The following CSMD1 variants were observed in gnomAD, a reference collection of about 807,000 sequenced individuals.
The protein encoded by CSMD1 is CUB and Sushi multiple domains 1, also known as CUB and sushi domain-containing protein 1.
Under a neutral mutation model 417.5 loss-of-function variants are expected in CSMD1, and 213 were observed. The observed-to-expected ratio is 0.51, with a 90% confidence interval of 0.46 to 0.57. The LOEUF is 0.57. Ranked by LOEUF, CSMD1 falls within the 20% of genes least tolerant of loss-of-function variation. CSMD1 has a pLI of 0.00. For missense variants in CSMD1, 6,923 were observed against 4,529.7 expected (o/e 1.53, Z -15.17); for synonymous variants, 2,862 against 1,736.8 (o/e 1.65, Z -16.11).
At chr8:4,647,423 G>A (rs2617040) in intron 1 of CSMD1, among the ~76,000 whole-genome samples, 5 of 111,558 alleles carry the variant, frequency 4.5e-5, no homozygotes, top group East Asian at 8.1e-4. Context: ...CGTGTGCCAC[G>A]GCGGCCTGCT....
intron 12 of CSMD1, among the ~76,000 whole-genome samples, chr8:3,457,661 C>T (rs1444426402): frequency 1.3e-5 from 2 of 152,094 alleles, no homozygotes; most frequent in Admixed American, 6.5e-5. Context: ...TCTAAGACAA[C>T]ACAATTCAGA....
chr8:4,172,430 T>C (rs903049615), intron 3 of CSMD1, among the ~76,000 whole-genome samples: 23 of 152,112 alleles, frequency 1.5e-4, no homozygotes, highest in South Asian at 1.0e-3. Flanking sequence ...TTACACAGCA[T>C]AGTCTAGGTT....
intron 52 of CSMD1, among the ~76,000 whole-genome samples, chr8:3,015,283 A>C (rs763228602): frequency 4.6e-5 from 7 of 152,098 alleles, no homozygotes; most frequent in Non-Finnish European, 8.8e-5. Context: ...ATTCTCTTCA[A>C]CATGTCCTGG....
chr8:3,203,960 G>T (rs528529536), intron 31 of CSMD1, among the ~76,000 whole-genome samples: 182 of 152,246 alleles, frequency 1.2e-3, no homozygotes, highest in African/African-American at 4.2e-3. Flanking sequence ...AGCCTGCCAG[G>T]GACATGGACC....
In CSMD1 at chr8:4,456,081, AAT is replaced by A. The variant is rs1269219857; in HGVS notation, c.303-36018_303-36017del. Among the ~76,000 whole-genome samples the A allele has an allele frequency of 2.8e-3, 356 of 128,356 alleles. 1 individual carries two copies. Among genetic ancestry groups the A allele is most frequent in the African/African-American group, 9.7e-3 (326 of 33,764 alleles). The allele number at this position is 128,356 out of a possible 152,430, so 84.2% of individuals were successfully genotyped here. A position where few individuals can be genotyped will look rare whatever the true frequency, so the allele number is the denominator to read the frequency against. ...GACCAAAAAAAAAAAAAAAAAAAAA[AAT>A]GTGAAAGTACGTACTGCACACTTAA... On this transcript the variant is annotated intron_variant, in intron 2 of 69. Transcript: ENST00000635120.
At chr8:3,999,892 T>G (rs192423594) in intron 4 of CSMD1, among the ~76,000 whole-genome samples, 1 of 152,182 alleles carries the variant, frequency 6.6e-6, no homozygotes. Flanking sequence ...CCATGTTTTG[T>G]AGGACATCTC....
At chr8:4,110,670 T>C (rs1479186493) in intron 3 of CSMD1, among the ~76,000 whole-genome samples, 1 of 151,946 alleles carries the variant, frequency 6.6e-6, no homozygotes, top group African/African-American at 2.4e-5. Flanking sequence ...TTCTATAAAG[T>C]TACCTAAGAA....
chr8:4,990,246 T>A (rs1811391313), intron 1 of CSMD1, among the ~76,000 whole-genome samples: 1 of 152,248 alleles, frequency 6.6e-6, no homozygotes, highest in Admixed American at 6.5e-5. Flanking sequence ...CTGAAAAGCT[T>A]TCCGCTGAAC....
chr8:4,173,761 T>G (rs78224847), intron 3 of CSMD1, among the ~76,000 whole-genome samples: 2,204 of 152,160 alleles, frequency 0.014, 54 homozygotes, highest in African/African-American at 0.049. Flanking sequence ...TTTTCAATAT[T>G]AAAAGTAACT....
intron 1 of CSMD1, among the ~76,000 whole-genome samples, chr8:4,782,467 T>G (rs190366960): frequency 6.6e-6 from 1 of 152,302 alleles, no homozygotes; most frequent in Non-Finnish European, 1.5e-5. Flanking sequence ...ACACTTTAGA[T>G]TTAAAGAAAT....
intron 2 of CSMD1, among the ~76,000 whole-genome samples, chr8:4,516,715 G>A (rs976068642): frequency 8.5e-5 from 13 of 152,054 alleles, no homozygotes; most frequent in Non-Finnish European, 1.8e-4. Flanking sequence ...CACTGCCTGG[G>A]GTCTTTGCAA....
At chr8:3,702,114 G>C (rs1019547379) in intron 7 of CSMD1, 6 of 151,960 alleles carry the variant, frequency 3.9e-5, no homozygotes, top group African/African-American at 1.5e-4. Context: ...TTTTTCCCAG[G>C]GGCATAAAGG....
chr8:4,863,491 T>C (rs538621923), intron 1 of CSMD1, among the ~76,000 whole-genome samples: 68 of 152,220 alleles, frequency 4.5e-4, no homozygotes, highest in African/African-American at 1.6e-3. Context: ...TAGTAACATT[T>C]AGTTCAGTGT....
chr8:3,543,348 C>T (rs560058329), intron 10 of CSMD1, among the ~76,000 whole-genome samples: 7 of 152,228 alleles, frequency 4.6e-5, no homozygotes, highest in Admixed American at 6.5e-5. Context: ...GGATTTTGAG[C>T]AAACTAGAGA....
At position 3,420,545 on chromosome 8, in the gene CSMD1, G is replaced by A. The variant is rs182536340; in HGVS notation, c.1562-10940C>T. On this transcript the variant is annotated intron_variant, in intron 12 of 69. Transcript: ENST00000635120. ...TAAATATAGGGAAACTGGCTGTGGG[G>A]TGGACAGAAATGCTCTGTACTATCT... Among the ~76,000 whole-genome samples, 1,366 of 150,124 alleles carry A rather than the reference G, an allele frequency of 9.1e-3. 24 individuals are homozygous for A. The highest frequency in any genetic ancestry group is 0.03 in the African/African-American group (1,257 of 41,432).
intron 5 of CSMD1, among the ~76,000 whole-genome samples, chr8:3,951,159 G>A (rs1430543520): frequency 2.0e-5 from 3 of 152,184 alleles, no homozygotes; most frequent in African/African-American, 7.2e-5. Flanking sequence ...TACAAAGACA[G>A]AAGTTTTGAA....
intron 5 of CSMD1, among the ~76,000 whole-genome samples, chr8:3,814,174 G>T (rs1260068760): frequency 6.6e-6 from 1 of 152,178 alleles, no homozygotes; most frequent in Non-Finnish European, 1.5e-5. Context: ...TGGAAGTCAA[G>T]ATGCAAACTG....
intron 10 of CSMD1, among the ~76,000 whole-genome samples, chr8:3,555,591 TC>T (rs1358018978): frequency 6.6e-6 from 1 of 152,252 alleles, no homozygotes; most frequent in Non-Finnish European, 1.5e-5. Context: ...TAGCTCATTT[TC>T]TTTAATTCTA....
At chr8:4,932,784 T>A (rs1375441653) in intron 1 of CSMD1, among the ~76,000 whole-genome samples, 1 of 152,192 alleles carries the variant, frequency 6.6e-6, no homozygotes, top group East Asian at 1.9e-4. Context: ...GGTAAATTTT[T>A]AAATATTCAA....
Sources: gnomAD v4.1 joint callset for allele counts (sites outside exome capture counted in the v4.1 genomes callset) on GRCh38, gnomAD v4.1.1 for gene constraint, MANE v1.5 for transcripts, NCBI Gene and HGNC (gene_info 2026-07-23, HGNC 2026-07-21) for gene names.